The following SVOPL variants were observed in gnomAD, a reference collection of about 807,000 sequenced individuals.
SVOPL encodes putative transporter SVOPL.
Under a neutral mutation model 61.0 loss-of-function variants are expected in SVOPL, and 60 were observed. The observed-to-expected ratio is 0.98, with a 90% CI of 0.80 to 1.22. SVOPL has a LOEUF of 1.22. Ranked by LOEUF, SVOPL falls within the 50% of genes most tolerant of loss-of-function variation. SVOPL has a pLI of 0.00. For synonymous variants in SVOPL, 279 were observed against 250.0 expected (o/e 1.12, Z -1.09); for missense variants, 662 against 643.9 (o/e 1.03, Z -0.30).
At chr7:138,633,231 G>A (rs1166971048) in intron 9 of SVOPL, among the ~76,000 whole-genome samples, 4 of 152,108 alleles carry the variant, frequency 2.6e-5, no homozygotes, top group East Asian at 1.9e-4. Context: ...AAGAAAGTTC[G>A]GGTTTCTTGT....
At chr7:138,697,660 AGAG>A (rs1199730691) in intron 1 of SVOPL, among the ~76,000 whole-genome samples, 2 of 148,096 alleles carry the variant, frequency 1.4e-5, no homozygotes, top group East Asian at 4.1e-4. Context: ...AGGAAGAACA[AGAG>A]GAGGAGAAGG....
At chr7:138,620,103 T>G (rs1303181088) in intron 14 of SVOPL, among the ~76,000 whole-genome samples, 9 of 147,156 alleles carry the variant, frequency 6.1e-5, no homozygotes, top group African/African-American at 2.3e-4. Flanking sequence ...TTTTTTTTCT[T>G]TTTTGTTTTT....
At chr7:138,687,210 TTTTTTTCC>T (rs1802835956) in intron 1 of SVOPL, among the ~76,000 whole-genome samples, 2 of 150,386 alleles carry the variant, frequency 1.3e-5, no homozygotes, top group South Asian at 4.2e-4. Flanking sequence ...TGGAAGCTCT[TTTTTTTCC>T]TTTTTTCCTC....
intron 9 of SVOPL, among the ~76,000 whole-genome samples, chr7:138,637,172 A>T (rs1051120257): frequency 5.9e-5 from 9 of 152,110 alleles, no homozygotes; most frequent in African/African-American, 2.2e-4. Flanking sequence ...GGATGCATGT[A>T]ATCTCAGCAC....
At chr7:138,626,153 A>C in intron 12 of SVOPL, 103 bp from the exon 13 acceptor site, 1 of 1,136,718 alleles carries the variant, frequency 8.8e-7, no homozygotes, top group Non-Finnish European at 1.3e-6. Flanking sequence ...ACAATCACAG[A>C]TAACTCAGAA....
chr7:138,626,173 G>A lies in SVOPL; in HGVS notation c.1182-123C>T, dbSNP rs1238102019. 8.7e-6 allele frequency: 8 copies of A among 923,784 alleles called. No individual in the cohort carries two copies. The South Asian group carries it at 1.3e-4, about 15-fold the overall frequency. 57.2% of individuals were successfully genotyped at this position (923,784 alleles called of 1,614,324 possible). A position where few individuals can be genotyped will look rare whatever the true frequency, so the allele number is the denominator to read the frequency against. On this transcript the variant is annotated intron_variant, in intron 12 of 15. Coordinates refer to ENST00000674285, the MANE Select transcript of SVOPL (RefSeq NM_001139456.2). ...CACAGATAACTCAGAACCCGAGGGA[G>A]GTGCTGCTTCTCAGCTGGCCTGATT...
intron 15 of SVOPL, among the ~76,000 whole-genome samples, chr7:138,596,066 G>A (rs1288343883): frequency 1.3e-5 from 2 of 151,866 alleles, no homozygotes; most frequent in Middle Eastern, 3.4e-3. Flanking sequence ...GCACGTGCAT[G>A]TAGTCCCAGC....
chr7:138,605,193 A>T (rs1374041544), intron 14 of SVOPL, among the ~76,000 whole-genome samples: 6 of 99,338 alleles, frequency 6.0e-5, no homozygotes, highest in Middle Eastern at 5.4e-3. Context: ...CATTTATTTA[A>T]AAAAAAAAAA....
chr7:138,672,656 T>TTTGTTTTAAAAAAAA (rs35924408), intron 3 of SVOPL, among the ~76,000 whole-genome samples: 1 of 118,858 alleles, frequency 8.4e-6, no homozygotes, highest in South Asian at 3.0e-4. Flanking sequence ...TTTTTGTGTT[T>TTTGTTTTAAAAAAAA]AAAAAAAAAA....
intron 8 of SVOPL, among the ~76,000 whole-genome samples, chr7:138,648,444 CTAA>C (rs1801233288): frequency 6.8e-6 from 1 of 147,278 alleles, no homozygotes; most frequent in African/African-American, 2.5e-5. Flanking sequence ...CCCTTCTCTG[CTAA>C]TAATAGCACT....
chr7:138,654,501 T>TTTTTC (rs1491207247), intron 7 of SVOPL, among the ~76,000 whole-genome samples: 292 of 6,408 alleles, frequency 0.046, no homozygotes, highest in Middle Eastern at 0.12. Context: ...ACTGAGTTTG[T>TTTTTC]TTTTTTTTTT....
intron 3 of SVOPL, among the ~76,000 whole-genome samples, chr7:138,672,651 G>T (rs200727991): frequency 0.2 from 21,404 of 104,420 alleles, 2,527 homozygotes; most frequent in African/African-American, 0.4. Context: ...GTTTTTTTTT[G>T]TGTTTAAAAA....
chr7:138,624,071 C>T lies in SVOPL; in HGVS notation c.1263+1898G>A, dbSNP rs533174739. Among the ~76,000 whole-genome samples the T allele has an allele frequency of 3.6e-3, 543 of 152,250 alleles. 2 individuals are homozygous for T. Among genetic ancestry groups the T allele is most frequent in the African/African-American group, 0.012 (487 of 41,554 alleles). On this transcript the variant is annotated intron_variant, in intron 13 of 15. Coordinates refer to ENST00000674285, the MANE Select transcript of SVOPL (RefSeq NM_001139456.2). ...CTGACCTCAAGGGATCCACCTGCCG[C>T]GGCCTCCCAAAGTGCTAGGATTACA...
chr7:138,639,005 C>T lies in SVOPL; in HGVS notation c.789+5712G>A, dbSNP rs748106061. 2.6e-5 allele frequency among the ~76,000 whole-genome samples: 4 copies of T among 152,170 alleles called. No homozygotes were observed. In the South Asian group the frequency reaches 8.3e-4, roughly 31 times the overall value. On this transcript the variant is annotated intron_variant, in intron 9 of 15. Coordinates refer to ENST00000674285, the MANE Select transcript of SVOPL (RefSeq NM_001139456.2). The stretch of plus-strand genomic sequence containing the variant: ...CAGTGGCTCATGCCTGTAATCCCAA[C>T]ACTTTGGAAGGCTGAGGCAGGTGGA...
chr7:138,637,076 A>C (rs1237295474), intron 9 of SVOPL, among the ~76,000 whole-genome samples: 1 of 152,188 alleles, frequency 6.6e-6, no homozygotes. Flanking sequence ...CTACAAATCT[A>C]TCATTAGAAC....
intron 9 of SVOPL, among the ~76,000 whole-genome samples, chr7:138,637,530 CTACA>C (rs1800556866): frequency 7.5e-6 from 1 of 134,170 alleles, no homozygotes; most frequent in Non-Finnish European, 1.6e-5. Flanking sequence ...ATACACACAC[CTACA>C]TACATACACA....
In SVOPL at chr7:138,694,243, G is replaced by A. The variant is rs181615618; in HGVS notation, c.-35+6935C>T. Among the ~76,000 whole-genome samples the A allele has an allele frequency of 5.3e-4, 80 of 152,260 alleles. 1 individual carries two copies. In the East Asian group the frequency reaches 0.014, roughly 27 times the overall value. On this transcript the variant is annotated intron_variant, in intron 1 of 15. Transcript: ENST00000674285. ...TGGGCATAAGGAAGGTCACCACACT[G>A]TTGGGTTTTTTTTGTTTTTGAGACG...
intron 12 of SVOPL, 127 bp downstream of exon 12, chr7:138,627,223 G>A (rs755439261): frequency 6.1e-6 from 4 of 658,340 alleles, no homozygotes; most frequent in Admixed American, 2.7e-5. Context: ...TTCTAGTCAA[G>A]CAAGCAGCCC....
At chr7:138,632,525 G>A (rs916177747) in intron 9 of SVOPL, among the ~76,000 whole-genome samples, 1 of 152,112 alleles carries the variant, frequency 6.6e-6, no homozygotes, top group Non-Finnish European at 1.5e-5. Flanking sequence ...AAGGAAAGTG[G>A]GGAGGAGGAG....
Sources: allele counts gnomAD v4.1 joint callset (sites outside exome capture counted in the v4.1 genomes callset), GRCh38; gene constraint gnomAD v4.1.1; transcripts MANE v1.5; gene names NCBI Gene and HGNC (gene_info 2026-07-23, HGNC 2026-07-21).